ADAMTS17: variants seen among roughly 807,000 people sequenced by gnomAD.
ADAMTS17 encodes A disintegrin and metalloproteinase with thrombospondin motifs 17.
Under a neutral mutation model 141.5 loss-of-function variants are expected in ADAMTS17, and 113 were observed. That is an observed-to-expected ratio of 0.80 (90% CI 0.69 to 0.93). The LOEUF (loss-of-function observed/expected upper bound fraction) is 0.93. ADAMTS17 is among the 40% of genes least tolerant of loss of function. The pLI, the probability that ADAMTS17 is intolerant of heterozygous loss-of-function variation, is 0.00. For missense variants in ADAMTS17, 1,659 were observed against 1,517.9 expected (o/e 1.09, Z -1.54); for synonymous variants, 768 against 630.6 (o/e 1.22, Z -3.27).
intron 13 of ADAMTS17, among the ~76,000 whole-genome samples, chr15:100,110,028 A>G (rs2036655192): frequency 6.6e-6 from 1 of 151,974 alleles, no homozygotes; most frequent in African/African-American, 2.4e-5. Context: ...CATCGCTAAA[A>G]GAGTGTGAAA....
At chr15:100,254,426 TG>T in intron 6 of ADAMTS17, among the ~76,000 whole-genome samples, 1 of 152,320 alleles carries the variant, frequency 6.6e-6, no homozygotes, top group South Asian at 2.1e-4. Flanking sequence ...TAACAGTTGC[TG>T]GAAGGACTCC....
intron 14 of ADAMTS17, among the ~76,000 whole-genome samples, chr15:100,105,765 G>A (rs1296127547): frequency 6.6e-6 from 1 of 152,004 alleles, no homozygotes; most frequent in Non-Finnish European, 1.5e-5. Context: ...TCGGCTCACT[G>A]CATCCTCCAC....
At chr15:100,249,831 A>G (rs1348697815) in intron 7 of ADAMTS17, among the ~76,000 whole-genome samples, 1 of 152,222 alleles carries the variant, frequency 6.6e-6, no homozygotes, top group African/African-American at 2.4e-5. Flanking sequence ...TCTGAAATCT[A>G]TTTTAAACTA....
At chr15:100,241,813 C>G (rs1429811244) in intron 7 of ADAMTS17, among the ~76,000 whole-genome samples, 2 of 152,176 alleles carry the variant, frequency 1.3e-5, no homozygotes, top group Non-Finnish European at 2.9e-5. Context: ...ATCAAGCTCC[C>G]TCTCAGCACA....
intron 3 of ADAMTS17, among the ~76,000 whole-genome samples, chr15:100,302,243 C>T (rs2045065539): frequency 6.6e-6 from 1 of 152,200 alleles, no homozygotes; most frequent in South Asian, 2.1e-4. Flanking sequence ...GGCATCAGTG[C>T]TTCATTCCTT....
chr15:100,175,232 A>T (rs2040296571), intron 8 of ADAMTS17, among the ~76,000 whole-genome samples: 1 of 152,212 alleles, frequency 6.6e-6, no homozygotes, highest in African/African-American at 2.4e-5. Flanking sequence ...GTCTGCTTTC[A>T]ACTTGTGTTT....
intron 15 of ADAMTS17, among the ~76,000 whole-genome samples, chr15:100,071,912 C>CA (rs921324454): frequency 6.7e-6 from 1 of 150,032 alleles, no homozygotes; most frequent in African/African-American, 2.5e-5. Flanking sequence ...CCAGGGCAGT[C>CA]AGGCAGGAGA....
At chr15:100,202,165 C>G (rs1190858458) in intron 7 of ADAMTS17, among the ~76,000 whole-genome samples, 1 of 152,216 alleles carries the variant, frequency 6.6e-6, no homozygotes, top group East Asian at 1.9e-4. Context: ...ACAAACACAT[C>G]CCCCCTGGCC....
chr15:100,277,651 G>A (rs868114030), intron 4 of ADAMTS17, among the ~76,000 whole-genome samples: 1 of 152,280 alleles, frequency 6.6e-6, no homozygotes, highest in South Asian at 2.1e-4. Context: ...GTCATTAACC[G>A]GCCACCGGGG....
chr15:100,037,093 G>T (rs2030797215), intron 18 of ADAMTS17, among the ~76,000 whole-genome samples: 1 of 152,124 alleles, frequency 6.6e-6, no homozygotes, highest in South Asian at 2.1e-4. Flanking sequence ...TTGCTGATTT[G>T]AATAATAACT....
intron 15 of ADAMTS17, among the ~76,000 whole-genome samples, chr15:100,085,640 C>T (rs143553502): frequency 1.6e-4 from 24 of 152,068 alleles, no homozygotes; most frequent in African/African-American, 5.8e-4. Context: ...AGACGAAGAG[C>T]TGATCTCTCG....
At chr15:100,248,603 G>A (rs2043057625) in intron 7 of ADAMTS17, among the ~76,000 whole-genome samples, 1 of 152,192 alleles carries the variant, frequency 6.6e-6, no homozygotes, top group South Asian at 2.1e-4. Context: ...CCACAAAGAG[G>A]TCTGACATGT....
intron 4 of ADAMTS17, among the ~76,000 whole-genome samples, chr15:100,269,863 T>C (rs1472594076): frequency 1.3e-5 from 2 of 152,110 alleles, no homozygotes; most frequent in Non-Finnish European, 2.9e-5. Context: ...TCTGGATGCC[T>C]CCCTCTATAC....
chr15:100,260,912 T>C (rs1369252037), intron 6 of ADAMTS17, among the ~76,000 whole-genome samples: 1 of 152,208 alleles, frequency 6.6e-6, no homozygotes. Context: ...AGGGAGAGTT[T>C]TGGTATGAAC....
At chr15:100,021,244 C>T (rs2061402004) in intron 18 of ADAMTS17, among the ~76,000 whole-genome samples, 1 of 152,132 alleles carries the variant, frequency 6.6e-6, no homozygotes. Context: ...TGTCACAGAC[C>T]ACTCTGCTAG....
At chr15:100,137,258 A>T (rs1177062175) in intron 10 of ADAMTS17, among the ~76,000 whole-genome samples, 3 of 152,316 alleles carry the variant, frequency 2.0e-5, no homozygotes, top group East Asian at 3.9e-4. Context: ...CAAGGCAGAA[A>T]TGACAGAGAG....
chr15:100,112,219 T>C (rs1341025247), intron 13 of ADAMTS17, among the ~76,000 whole-genome samples: 1 of 152,204 alleles, frequency 6.6e-6, no homozygotes, highest in Non-Finnish European at 1.5e-5. Context: ...GGAGGGATGC[T>C]GGCCACGAGC....
At chr15:100,163,052 A>G (rs1000621344) in intron 8 of ADAMTS17, among the ~76,000 whole-genome samples, 26 of 148,650 alleles carry the variant, frequency 1.7e-4, no homozygotes, top group African/African-American at 6.4e-4. Context: ...ATATAACTAT[A>G]TATGTATATA....
intron 20 of ADAMTS17, among the ~76,000 whole-genome samples, chr15:99,983,155 C>T (rs183627329): frequency 3.3e-4 from 51 of 152,272 alleles, no homozygotes; most frequent in Admixed American, 1.4e-3. Flanking sequence ...ATAACAGTAA[C>T]GGCAGTCACC....
Sources: gnomAD v4.1 joint callset for allele counts (sites outside exome capture counted in the v4.1 genomes callset) on GRCh38, gnomAD v4.1.1 for gene constraint, MANE v1.5 for transcripts, NCBI Gene and HGNC (gene_info 2026-07-23, HGNC 2026-07-21) for gene names.